Variants in QRICH1 observed in about 807,000 individuals in gnomAD.
QRICH1 encodes the protein glutamine rich 1.
QRICH1 carries 16 observed loss-of-function variants against 87.1 expected under a neutral mutation model. That is an observed-to-expected ratio of 0.18 (90% CI 0.12 to 0.28). The LOEUF is 0.28. Ranked by LOEUF, QRICH1 falls within the 10% of genes least tolerant of loss-of-function variation. The probability of loss-of-function intolerance (pLI) is 1.00; values close to 1 mark genes in which losing one functional copy is unlikely to be tolerated. For missense variants in QRICH1, 647 were observed against 951.7 expected, an observed-to-expected ratio of 0.68 and a Z score of 4.21; for synonymous variants, 367 against 368.4, an observed-to-expected ratio of 1.00 and a Z score of 0.05.
intron 1 of QRICH1, chr3:49,093,197 C>G (rs1204120723): frequency 6.6e-6 from 1 of 152,186 alleles, no homozygotes; most frequent in Non-Finnish European, 1.5e-5. Context: ...CCCTCTCAAA[C>G]CAAGAGGGCT....
chr3:49,046,001 T>C (rs932239967), intron 5 of QRICH1, among the ~76,000 whole-genome samples: 43 of 151,456 alleles, frequency 2.8e-4, no homozygotes, highest in Admixed American at 9.9e-4. Context: ...TTGCAACCTC[T>C]ACCTCCCGGG....
In QRICH1 at chr3:49,030,313, T is replaced by C; in HGVS notation, c.*139A>G. 1 of 819,752 alleles carries C rather than the reference T, an allele frequency of 1.2e-6. No homozygotes were observed. The allele number at this position is 819,752 out of a possible 1,614,324, so 50.8% of individuals were successfully genotyped here. A position where few individuals can be genotyped will look rare whatever the true frequency, so the allele number is the denominator to read the frequency against. On this transcript the variant is annotated 3_prime_UTR_variant, in exon 10 of 10. Transcript: ENST00000395443. Reference sequence around the variant, plus strand: ...AAAGGGGGCAAAGTTTTCTTTTATATTTTAAACAGAAGCAGCCTGAAAGGC... The same window carrying C: ...AAAGGGGGCAAAGTTTTCTTTTATACTTTAAACAGAAGCAGCCTGAAAGGC...
chr3:49,050,656 T>G (rs2093365218), intron 3 of QRICH1, among the ~76,000 whole-genome samples: 2 of 151,490 alleles, frequency 1.3e-5, no homozygotes, highest in Non-Finnish European at 2.9e-5. Context: ...GCATCAGTTT[T>G]TCTCCTTAAC....
At chr3:49,087,065 T>C (rs1359363446) in intron 1 of QRICH1, 1 of 152,166 alleles carries the variant, frequency 6.6e-6, no homozygotes, top group African/African-American at 2.4e-5. Context: ...AAGACCAGTC[T>C]GGCCAACGTG....
At chr3:49,083,078 T>G (rs939761255) in intron 1 of QRICH1, among the ~76,000 whole-genome samples, 1 of 146,170 alleles carries the variant, frequency 6.8e-6, no homozygotes, top group African/African-American at 2.5e-5. Context: ...TGGTAGAGCA[T>G]GCCTGTAATC....
rs2042334257 is a variant in QRICH1, at chr3:49,094,034, C to A, written c.-144G>T. 2.5e-6 allele frequency: 1 copy of A among 398,640 alleles called. No individual in the cohort carries two copies. Among genetic ancestry groups the A allele is most frequent in the Non-Finnish European group, 4.4e-6 (1 of 226,168 alleles). The allele number at this position is 398,640 out of a possible 1,614,324, so 24.7% of individuals were successfully genotyped here. A position where few individuals can be genotyped will look rare whatever the true frequency, so the allele number is the denominator to read the frequency against. On this transcript the variant is annotated 5_prime_UTR_variant, in exon 1 of 10. The change creates a premature stop within an existing upstream ORF in the 5' untranslated region. Transcript: ENST00000395443. ...CCGACAGGGTTTTCTCCTCACAGCT[C>A]CCTGGGCGCCATCTTACATTCAACC...
intron 2 of QRICH1, among the ~76,000 whole-genome samples, chr3:49,069,648 AATTTT>A (rs2093489704): frequency 6.8e-6 from 1 of 146,754 alleles, no homozygotes; most frequent in Non-Finnish European, 1.5e-5. Context: ...ACATCTGGCT[AATTTT>A]ATTTTTAGTA....
intron 3 of QRICH1, among the ~76,000 whole-genome samples, chr3:49,048,494 A>C (rs970556149): frequency 4.6e-5 from 7 of 151,028 alleles, no homozygotes; most frequent in Non-Finnish European, 7.4e-5. Context: ...AAAAAAAAAA[A>C]AAAACCCACC....
chr3:49,048,605 G>A (rs1440779311), intron 3 of QRICH1, among the ~76,000 whole-genome samples: 4 of 151,060 alleles, frequency 2.6e-5, no homozygotes, highest in Non-Finnish European at 4.4e-5. Flanking sequence ...TGGCTAACAC[G>A]GTGAAACCCC....
chr3:49,069,856 G>T (rs2093490758), intron 2 of QRICH1, among the ~76,000 whole-genome samples: 1 of 151,982 alleles, frequency 6.6e-6, no homozygotes, highest in Non-Finnish European at 1.5e-5. Context: ...AAGGTAATGT[G>T]AGCTGTAAGT....
At chr3:49,076,470 G>A (rs1457088350) in intron 2 of QRICH1, among the ~76,000 whole-genome samples, 7 of 150,678 alleles carry the variant, frequency 4.6e-5, no homozygotes, top group Non-Finnish European at 1.0e-4. Context: ...AGGTAGCTAA[G>A]CAGATCCCTG....
chr3:49,065,837 C>T (rs773258883), intron 2 of QRICH1, among the ~76,000 whole-genome samples: 1 of 152,102 alleles, frequency 6.6e-6, no homozygotes, highest in South Asian at 2.1e-4. Flanking sequence ...CCCGCCACCA[C>T]GCCCGCTAAT....
intron 1 of QRICH1, among the ~76,000 whole-genome samples, chr3:49,080,201 A>G (rs1359638515): frequency 6.6e-6 from 1 of 152,144 alleles, no homozygotes; most frequent in Non-Finnish European, 1.5e-5. Context: ...TCAGTTTTTC[A>G]TCTCCATTAT....
intron 2 of QRICH1, among the ~76,000 whole-genome samples, chr3:49,074,047 G>C (rs1256265139): frequency 6.6e-6 from 1 of 152,048 alleles, no homozygotes; most frequent in Admixed American, 6.6e-5. Context: ...ATCCCAAAGT[G>C]CTGGGATTAC....
At chr3:49,039,284 C>A (rs1056472735) in intron 6 of QRICH1, among the ~76,000 whole-genome samples, 5 of 151,472 alleles carry the variant, frequency 3.3e-5, no homozygotes, top group African/African-American at 1.2e-4. Flanking sequence ...TGGAACCTGG[C>A]AGACAGAGGT....
At chr3:49,078,056 T>G (rs1214100369) in intron 1 of QRICH1, among the ~76,000 whole-genome samples, 1 of 152,128 alleles carries the variant, frequency 6.6e-6, no homozygotes, top group African/African-American at 2.4e-5. Flanking sequence ...CAGCCCGACC[T>G]CCAGAACAAA....
At chr3:49,056,762 G>A (rs766457127) in intron 3 of QRICH1, 100 bp downstream of exon 3, 5 of 1,541,778 alleles carry the variant, frequency 3.2e-6, no homozygotes, top group Admixed American at 3.4e-5. Flanking sequence ...CACTGTAAGA[G>A]TAACAGCAGT....
chr3:49,076,280 C>T (rs34580506), intron 2 of QRICH1, among the ~76,000 whole-genome samples: 1 of 152,210 alleles, frequency 6.6e-6, no homozygotes, highest in Non-Finnish European at 1.5e-5. Flanking sequence ...CAGTCCCCCA[C>T]CATCACTGAC....
chr3:49,050,218 C>T (rs1419825788), intron 3 of QRICH1, among the ~76,000 whole-genome samples: 4 of 124,280 alleles, frequency 3.2e-5, no homozygotes, highest in Non-Finnish European at 4.8e-5. Flanking sequence ...CACTGCAATC[C>T]GGCCTGGGCT....
Sources: gnomAD v4.1 joint callset for allele counts (sites outside exome capture counted in the v4.1 genomes callset) on GRCh38, gnomAD v4.1.1 for gene constraint, MANE v1.5 for transcripts, NCBI Gene and HGNC (gene_info 2026-07-23, HGNC 2026-07-21) for gene names.